Variants in GRK5 observed in about 807,000 individuals in gnomAD.
GRK5 encodes the protein G protein-coupled receptor kinase 5.
A neutral mutation model predicts 78.4 loss-of-function variants in GRK5; 40 were observed. The ratio of observed to expected loss-of-function variants is 0.51; its 90% CI spans 0.40 to 0.66. The LOEUF (loss-of-function observed/expected upper bound fraction) is 0.66. GRK5 is among the 30% of genes least tolerant of loss of function. GRK5 has a pLI of 0.00. For synonymous variants in GRK5, 289 were observed against 296.8 expected (o/e 0.97, Z 0.27); for missense variants, 598 against 759.9 (o/e 0.79, Z 2.50).
At chr10:119,386,557 G>A (rs1017709214) in intron 3 of GRK5, among the ~76,000 whole-genome samples, 1 of 152,308 alleles carries the variant, frequency 6.6e-6, no homozygotes, top group Admixed American at 6.5e-5. Context: ...GGAAATGTGA[G>A]TCTGGCTCCT....
At chr10:119,444,408 GC>G (rs1346590762) in intron 12 of GRK5, among the ~76,000 whole-genome samples, 1 of 152,074 alleles carries the variant, frequency 6.6e-6, no homozygotes, top group African/African-American at 2.4e-5. Flanking sequence ...AGTGGAGTCC[GC>G]CCGTGCACCC....
At chr10:119,303,107 A>G (rs1471282111) in intron 1 of GRK5, among the ~76,000 whole-genome samples, 1 of 152,142 alleles carries the variant, frequency 6.6e-6, no homozygotes, top group Non-Finnish European at 1.5e-5. Flanking sequence ...AGGGTGAGCC[A>G]TGTGTCCGGT....
At chr10:119,385,551 G>A (rs1407787405) in intron 3 of GRK5, among the ~76,000 whole-genome samples, 1 of 152,192 alleles carries the variant, frequency 6.6e-6, no homozygotes, top group African/African-American at 2.4e-5. Flanking sequence ...AGAGCAGCTG[G>A]TGGCTCAAGC....
chr10:119,381,021 A>C, intron 3 of GRK5, 94 bp downstream of exon 3: 1 of 798,498 alleles, frequency 1.3e-6, no homozygotes, highest in Admixed American at 2.2e-5. Flanking sequence ...GGGTTAGAAG[A>C]CTGAGGAATA....
chr10:119,238,169 GC>G lies in GRK5; in HGVS notation c.52+30204del, dbSNP rs1014278275. On this transcript the variant is annotated intron_variant, in intron 1 of 15. Transcript: ENST00000392870. The surrounding 1 kb of genome is among the most constrained non-coding windows in gnomAD (Gnocchi z 4.7). ...TTTTCTGGTCTGAAGAGGAGAGTGT[GC>G]CCCTCACAGTAGATGGGGTGACAGA... 6.6e-6 allele frequency among the ~76,000 whole-genome samples: 1 copy of G among 152,162 alleles called. No homozygotes were observed. The highest frequency in any genetic ancestry group is 2.4e-5 in the African/African-American group (1 of 41,436).
intron 4 of GRK5, among the ~76,000 whole-genome samples, chr10:119,422,699 C>T (rs573409048): frequency 1.4e-4 from 21 of 152,374 alleles, no homozygotes; most frequent in Admixed American, 1.4e-3. Context: ...CCAGCATGGC[C>T]AAGGGGCGTC....
intron 2 of GRK5, among the ~76,000 whole-genome samples, chr10:119,347,239 G>A (rs1038087579): frequency 6.6e-6 from 1 of 152,110 alleles, no homozygotes; most frequent in African/African-American, 2.4e-5. Context: ...TGCAGTGTGT[G>A]TGTGTGCACA....
chr10:119,409,064 G>T (rs1852290176), intron 4 of GRK5, among the ~76,000 whole-genome samples: 1 of 152,224 alleles, frequency 6.6e-6, no homozygotes, highest in South Asian at 2.1e-4. Flanking sequence ...CGGAGGCGGT[G>T]TCGGGCTGAC....
intron 4 of GRK5, among the ~76,000 whole-genome samples, chr10:119,422,823 G>A (rs938481596): frequency 6.6e-6 from 1 of 152,222 alleles, no homozygotes. Context: ...CATGGGGACT[G>A]TCATTATCAA....
intron 1 of GRK5, 109 bp downstream of exon 1, chr10:119,208,078 C>A: frequency 3.0e-6 from 3 of 1,004,280 alleles, no homozygotes; most frequent in Middle Eastern, 2.7e-4. Flanking sequence ...CCGCTGCCGG[C>A]GAGTGGGTCG....
chr10:119,326,760 T>C (rs1036300945), intron 2 of GRK5, 149 bp downstream of exon 2: 4 of 651,112 alleles, frequency 6.1e-6, no homozygotes, highest in Non-Finnish European at 1.1e-5. Flanking sequence ...TGCTTCCAGG[T>C]AGGGGCTCCA....
At chr10:119,385,439 G>A (rs1851779205) in intron 3 of GRK5, among the ~76,000 whole-genome samples, 1 of 152,010 alleles carries the variant, frequency 6.6e-6, no homozygotes, top group Non-Finnish European at 1.5e-5. Flanking sequence ...TGTGACTTAG[G>A]TTTTTCAAGA....
intron 1 of GRK5, among the ~76,000 whole-genome samples, chr10:119,241,984 G>A (rs1443288425): frequency 6.6e-6 from 1 of 152,120 alleles, no homozygotes; most frequent in East Asian, 1.9e-4. Flanking sequence ...GGGAGGAAAT[G>A]TATGGTAAAT....
chr10:119,438,031 C>T (rs1368761447), intron 9 of GRK5, among the ~76,000 whole-genome samples: 1 of 152,182 alleles, frequency 6.6e-6, no homozygotes, highest in Non-Finnish European at 1.5e-5. Context: ...CTGGAGGTTG[C>T]AGTGAGTCAA....
intron 2 of GRK5, among the ~76,000 whole-genome samples, chr10:119,341,193 G>T (rs909574443): frequency 6.6e-6 from 1 of 152,130 alleles, no homozygotes; most frequent in Non-Finnish European, 1.5e-5. Context: ...TCAGCTCCTT[G>T]CTCCCTCCAG....
At chr10:119,386,961 G>T (rs1258974104) in intron 3 of GRK5, among the ~76,000 whole-genome samples, 1 of 151,872 alleles carries the variant, frequency 6.6e-6, no homozygotes, top group Non-Finnish European at 1.5e-5. Context: ...GTCCTCGTTG[G>T]ACTCTGATGT....
At chr10:119,295,331 GAATA>G (rs1194175245) in intron 1 of GRK5, among the ~76,000 whole-genome samples, 1 of 152,036 alleles carries the variant, frequency 6.6e-6, no homozygotes, top group Non-Finnish European at 1.5e-5. Flanking sequence ...GATATTAGCT[GAATA>G]AATAAGTGGA....
At chr10:119,349,864 C>T (rs1047315780) in intron 2 of GRK5, among the ~76,000 whole-genome samples, 1 of 152,250 alleles carries the variant, frequency 6.6e-6, no homozygotes, top group Non-Finnish European at 1.5e-5. Flanking sequence ...CATACGTGGG[C>T]ACCTGCCATG....
rs201404275 is a variant in GRK5, at chr10:119,336,451, T to TA, written c.148+9840_148+9841insA. Among the ~76,000 whole-genome samples, 374 of 152,166 alleles carry TA rather than the reference T, an allele frequency of 2.5e-3. 4 individuals are homozygous for TA. Among genetic ancestry groups the TA allele is most frequent in the African/African-American group, 8.6e-3 (358 of 41,516 alleles). ...CTTTATCTGTAAGATTGTTTTTTTT[T>TA]TAAAAAAAGAATGAATTGGCATGTT... is the stretch of plus-strand genomic sequence containing the variant. On this transcript the variant is annotated intron_variant, in intron 2 of 15. Coordinates refer to ENST00000392870, the MANE Select transcript of GRK5 (RefSeq NM_005308.3). This position sits in a 1 kb window ranked among gnomAD's most constrained non-coding sequence, Gnocchi z 4.5.
Sources: allele counts gnomAD v4.1 joint callset (sites outside exome capture counted in the v4.1 genomes callset), GRCh38; gene constraint gnomAD v4.1.1; non-coding constraint Gnocchi (gnomAD v3.1); transcripts MANE v1.5; gene names NCBI Gene and HGNC (gene_info 2026-07-23, HGNC 2026-07-21).